KMT2A: variants seen among roughly 807,000 people sequenced by gnomAD.
KMT2A encodes lysine methyltransferase 2A, also known as histone-lysine N-methyltransferase 2A.
KMT2A carries 16 observed loss-of-function variants against 345.3 expected under a neutral mutation model. That is an observed-to-expected ratio of 0.05 (90% confidence interval 0.03 to 0.07). KMT2A has a LOEUF of 0.07. Ranked by LOEUF, KMT2A falls within the 10% of genes least tolerant of loss-of-function variation. The probability of loss-of-function intolerance (pLI) is 1.00; values close to 1 mark genes in which losing one functional copy is unlikely to be tolerated. For missense variants in KMT2A, 3,272 were observed against 4,841.6 expected (o/e 0.68, Z 9.62); for synonymous variants, 1,599 against 1,778.6 (o/e 0.90, Z 2.54).
chr11:118,489,686 G>T lies in KMT2A; in HGVS notation c.4480-106G>T. ...TATGAGGAAATTTAAACTCATAATT[G>T]TGTGCTGTACTTACTTGCCAGTAAA... On this transcript the variant is annotated intron_variant, in intron 11 of 35. Coordinates refer to ENST00000534358, the MANE Select transcript of KMT2A (RefSeq NM_001197104.2). 3.6e-6 allele frequency: 3 copies of T among 822,458 alleles called. No homozygotes were observed. The South Asian group carries it at 4.6e-5, about 13-fold the overall frequency. The allele number at this position is 822,458 out of a possible 1,614,324, so 50.9% of individuals were successfully genotyped here. A position where few individuals can be genotyped will look rare whatever the true frequency, so the allele number is the denominator to read the frequency against.
chr11:118,438,730 A>G (rs1949252716), intron 1 of KMT2A, among the ~76,000 whole-genome samples: 1 of 152,028 alleles, frequency 6.6e-6, no homozygotes, highest in Non-Finnish European at 1.5e-5. Flanking sequence ...AGGAGCTGGC[A>G]TTTTTTAGTT....
intron 1 of KMT2A, among the ~76,000 whole-genome samples, chr11:118,461,163 C>G (rs927807249): frequency 2.0e-5 from 3 of 152,010 alleles, no homozygotes; most frequent in African/African-American, 7.3e-5. Flanking sequence ...GAGAAATATT[C>G]CTATTGCTTC....
chr11:118,474,758 C>T (rs889523278), intron 3 of KMT2A, among the ~76,000 whole-genome samples: 11 of 152,136 alleles, frequency 7.2e-5, no homozygotes, highest in African/African-American at 1.7e-4. Context: ...AATAGAAAAC[C>T]GGAGGGGAGC....
At chr11:118,485,801 A>T (rs978028384) in intron 10 of KMT2A, among the ~76,000 whole-genome samples, 45 of 152,196 alleles carry the variant, frequency 3.0e-4, no homozygotes, top group African/African-American at 9.6e-4. Flanking sequence ...TAGGGCATAT[A>T]GCTGGGCACG....
At chr11:118,462,273 T>A (rs1949759211) in intron 1 of KMT2A, among the ~76,000 whole-genome samples, 1 of 152,174 alleles carries the variant, frequency 6.6e-6, no homozygotes, top group Non-Finnish European at 1.5e-5. Context: ...TCTTGTAGCC[T>A]TCTTTCCCAG....
chr11:118,512,120 T>TAAAAAAAAAAAAAAAAAAA (rs1950700697), intron 31 of KMT2A, 95 bp downstream of exon 31: 1 of 1,151,872 alleles, frequency 8.7e-7, no homozygotes, highest in African/African-American at 1.6e-5. Flanking sequence ...AAAAATCAGT[T>TAAAAAAAAAAAAAAAAAAA]AAAAATTTTT....
Position 118,476,671 on chromosome 11 carries a change from A to C in KMT2A, c.3157-134A>C. ...GTTGATTTCTGTTTTGATATGATTT[A>C]TCAGCTGGGAATAATTAGAGTTGTG... is the stretch of plus-strand genomic sequence containing the variant. On this transcript the variant is annotated intron_variant, in intron 3 of 35. Coordinates refer to ENST00000534358, the MANE Select transcript of KMT2A (RefSeq NM_001197104.2). This position sits in a 1 kb window ranked among gnomAD's most constrained non-coding sequence, Gnocchi z 4.1. 2 of 696,990 alleles carry C rather than the reference A, an allele frequency of 2.9e-6. No homozygotes were observed. The highest frequency in any genetic ancestry group is 2.4e-6 in the Non-Finnish European group (1 of 422,044). The allele number at this position is 696,990 out of a possible 1,614,324, so 43.2% of individuals were successfully genotyped here. A position where few individuals can be genotyped will look rare whatever the true frequency, so the allele number is the denominator to read the frequency against.
intron 5 of KMT2A, among the ~76,000 whole-genome samples, chr11:118,478,648 A>G (rs1284471318): frequency 2.0e-5 from 3 of 152,198 alleles, no homozygotes; most frequent in African/African-American, 7.2e-5. Flanking sequence ...TGTTGGGTCT[A>G]CTGAAATTAT....
In KMT2A at chr11:118,472,416, G is replaced by C; in HGVS notation, c.1257G>C (p.Ser419=). 1.9e-6 allele frequency: 3 copies of C among 1,613,914 alleles called. No homozygotes were observed. Among genetic ancestry groups the C allele is most frequent in the Non-Finnish European group, 2.5e-6 (3 of 1,179,972 alleles). Residue 419 remains serine, a synonymous_variant, in exon 3 of 36, where the codon TCG becomes TCC. Coordinates refer to ENST00000534358, the MANE Select transcript of KMT2A (RefSeq NM_001197104.2). ...TGCCTGTTGTCAGTGCTATCTCCTCGCGGATCATTAAGACCCCTCGGCGGT... is the reference window on the plus strand; with the variant it reads ...TGCCTGTTGTCAGTGCTATCTCCTCCCGGATCATTAAGACCCCTCGGCGGT... ...FIMPVVSAIS[S]RIIKTPRRFI... is the part of the protein sequence containing the mutation.
chr11:118,479,839 T>C (rs549290766), intron 5 of KMT2A, among the ~76,000 whole-genome samples: 1 of 152,342 alleles, frequency 6.6e-6, no homozygotes, highest in African/African-American at 2.4e-5. Context: ...TGATGGATAT[T>C]AACATCGTAA....
chr11:118,458,593 T>A (rs1949690336), intron 1 of KMT2A, among the ~76,000 whole-genome samples: 1 of 152,250 alleles, frequency 6.6e-6, no homozygotes, highest in Non-Finnish European at 1.5e-5. Flanking sequence ...GAAAACTGTT[T>A]CTATCCTCAG....
chr11:118,464,796 C>T (rs1267312769), intron 1 of KMT2A, among the ~76,000 whole-genome samples: 1 of 152,182 alleles, frequency 6.6e-6, no homozygotes, highest in Non-Finnish European at 1.5e-5. Flanking sequence ...AAAGCAAAAG[C>T]AGACTGTTTA....
At chr11:118,466,320 C>T in intron 1 of KMT2A, among the ~76,000 whole-genome samples, 1 of 152,064 alleles carries the variant, frequency 6.6e-6, no homozygotes, top group East Asian at 1.9e-4. Flanking sequence ...ACAGAGTGAG[C>T]ACTGGCAAAT....
intron 15 of KMT2A, 92 bp downstream of exon 15, chr11:118,492,020 AT>A: frequency 1.1e-6 from 1 of 872,212 alleles, no homozygotes; most frequent in Non-Finnish European, 1.7e-6. Context: ...TCCTCACTTA[AT>A]TTTTAGTTAC....
rs988213215 is a variant in KMT2A, at chr11:118,481,850, G to A, written c.3770G>A (p.Ser1257Asn). The A allele has an allele frequency of 4.3e-6, 7 of 1,614,028 alleles. No individual in the cohort carries two copies. Among genetic ancestry groups the A allele is most frequent in the Non-Finnish European group, 5.9e-6 (7 of 1,180,034 alleles). The change falls in exon 7 of 36, where the codon AGC becomes AAC. Residue 1257 changes from serine (S) to asparagine (N), a missense_variant. Physicochemically the swap from Ser to Asn is conservative, Grantham distance 46. Transcript: ENST00000534358. Reference sequence around the variant, plus strand: ...AGAGAGGATCCTGCCCCAAAGAAAAGCAGTAGTGAGCCTCCTCCACGAAAG... The same window carrying A: ...AGAGAGGATCCTGCCCCAAAGAAAAACAGTAGTGAGCCTCCTCCACGAAAG... Reference protein sequence around the residue: ...SAREDPAPKKSSSEPPPRKPV... With the variant: ...SAREDPAPKKNSSEPPPRKPV...
In KMT2A at chr11:118,525,517, G is replaced by A. The variant is rs782102967; in HGVS notation, c.*3345G>A. ...ACGTTTTCAACCAGACTCCTTTGCC[G>A]GGACCCAGCCCGCCACCCTGCTCGC... On this transcript the variant is annotated 3_prime_UTR_variant, in exon 36 of 36. Coordinates refer to ENST00000534358, the MANE Select transcript of KMT2A (RefSeq NM_001197104.2). 18 of 224,382 alleles carry A rather than the reference G, an allele frequency of 8.0e-5. No individual in the cohort carries two copies. Among genetic ancestry groups the A allele is most frequent in the Non-Finnish European group, 1.3e-4 (15 of 112,776 alleles). The allele number at this position is 224,382 out of a possible 1,614,324, so 13.9% of individuals were successfully genotyped here. A position where few individuals can be genotyped will look rare whatever the true frequency, so the allele number is the denominator to read the frequency against.
At position 118,504,514 on chromosome 11, in the gene KMT2A, A is replaced by C; in HGVS notation, c.8622A>C (p.Ser2874=). ...TGGGTGAGAGCCCAGAGTCATCTTC[A>C]TCAGAACTCCTGAATCTTGGTGAAG... The part of the protein sequence containing the change: ...QALGESPESS[S]SELLNLGEGL... The change falls in exon 27 of 36, where the codon TCA becomes TCC. Residue 2874 remains serine, a synonymous_variant. Transcript: ENST00000534358. The surrounding 1 kb of genome is among the most constrained non-coding windows in gnomAD (Gnocchi z 6.4). 2 of 1,614,236 alleles carry C rather than the reference A, an allele frequency of 1.2e-6. No homozygotes were observed. Among genetic ancestry groups the C allele is most frequent in the African/African-American group, 2.7e-5 (2 of 75,066 alleles).
rs1565295039 is a variant in KMT2A at position 118,493,047 on chromosome 11, C to T, written c.5005-10C>T. 6.2e-7 allele frequency: 1 copy of T among 1,609,846 alleles called. No homozygotes were observed. Among genetic ancestry groups the T allele is most frequent in the South Asian group, 1.1e-5 (1 of 90,310 alleles). On this transcript the variant is annotated splice_polypyrimidine_tract_variant and intron_variant, in intron 15 of 35. Transcript: ENST00000534358. The surrounding 1 kb of genome is among the most constrained non-coding windows in gnomAD (Gnocchi z 5.8). ...GTTAGATAAAAGCAACATATCTTTCCTGGCAATAGGCTGCCAAGCCTCCAG... is the reference window on the plus strand; with the variant it reads ...GTTAGATAAAAGCAACATATCTTTCTTGGCAATAGGCTGCCAAGCCTCCAG...
chr11:118,502,559 T>C lies in KMT2A; in HGVS notation c.6667T>C (p.Ser2223Pro), dbSNP rs782672328. 2.5e-6 allele frequency: 4 copies of C among 1,614,134 alleles called. No homozygotes were observed. The highest frequency in any genetic ancestry group is 1.7e-6 in the Non-Finnish European group (2 of 1,180,020). ...MSPMRTGNTY[S>P]RNNVSSVSTT... ...TCCAATGAGAACTGGGAATACTTAC[T>C]CTAGGAATAATGTTTCCTCAGTCTC... is the stretch of plus-strand genomic sequence containing the variant. The change falls in exon 27 of 36, where the codon TCT (serine) becomes CCT (proline). Residue 2223 changes from serine to proline, a missense_variant. Ser to Pro is a moderately conservative substitution (Grantham distance 74). This residue lies in a region of KMT2A where 445 missense variants were observed against 500.9 expected (regional missense o/e 0.89). Transcript: ENST00000534358. The surrounding 1 kb of genome is among the most constrained non-coding windows in gnomAD (Gnocchi z 4.9).
Sources: allele counts gnomAD v4.1 joint callset (sites outside exome capture counted in the v4.1 genomes callset), GRCh38; gene constraint gnomAD v4.1.1; regional missense constraint gnomAD v4.1.1; non-coding constraint Gnocchi (gnomAD v3.1); transcripts MANE v1.5; gene names NCBI Gene and HGNC (gene_info 2026-07-23, HGNC 2026-07-21).